Variants in ME1 observed in about 807,000 individuals in gnomAD.
ME1 encodes malic enzyme 1, also known as NADP-dependent malic enzyme.
In ME1, 74 loss-of-function variants were observed where a neutral mutation model predicts 66.4. The observed-to-expected ratio is 1.11, with a 90% CI of 0.92 to 1.35. ME1 has a LOEUF of 1.35. Ranked by LOEUF, ME1 falls within the 40% of genes most tolerant of loss-of-function variation. The probability of loss-of-function intolerance (pLI) is 0.00; values close to 1 mark genes in which losing one functional copy is unlikely to be tolerated. For synonymous variants in ME1, 251 were observed against 235.6 expected, an observed-to-expected ratio of 1.07 and a Z score of -0.60; for missense variants, 750 against 694.1, an observed-to-expected ratio of 1.08 and a Z score of -0.90.
intron 3 of ME1, among the ~76,000 whole-genome samples, chr6:83,385,156 T>C (rs1469672430): frequency 6.6e-6 from 1 of 151,916 alleles, no homozygotes; most frequent in Non-Finnish European, 1.5e-5. Flanking sequence ...TGGATATCAA[T>C]GACACTTCAA....
At chr6:83,300,003 C>A (rs1767683874) in intron 6 of ME1, among the ~76,000 whole-genome samples, 1 of 151,892 alleles carries the variant, frequency 6.6e-6, no homozygotes, top group African/African-American at 2.4e-5. Context: ...TTCGGTTTGC[C>A]AATATTTTAT....
chr6:83,324,261 C>A (rs1427274969), intron 5 of ME1, among the ~76,000 whole-genome samples: 1 of 151,572 alleles, frequency 6.6e-6, no homozygotes, highest in Non-Finnish European at 1.5e-5. Context: ...GACACCCTAA[C>A]ATCACAATTA....
At position 83,212,059 on chromosome 6, in the gene ME1, T is replaced by A. The variant is rs139619703; in HGVS notation, c.1584A>T (p.Thr528=). ...CTTTGTTTTGCGGTTCAGGATAAAC[T>A]GTGGCTGTCTTTTCTTGGTATGCAT... The part of the protein sequence containing the change: ...VKDAYQEKTA[T]VYPEPQNKEA... The change falls in exon 14 of 14, where the codon ACA becomes ACT. Residue 528 remains threonine (T), a synonymous_variant. Transcript: ENST00000369705. 1.6e-4 allele frequency: 254 copies of A among 1,609,644 alleles called. 1 individual carries two copies. In the Middle Eastern group the frequency reaches 2.3e-3, roughly 15 times the overall value.
At chr6:83,412,762 T>C (rs1221080709) in intron 1 of ME1, among the ~76,000 whole-genome samples, 1 of 152,188 alleles carries the variant, frequency 6.6e-6, no homozygotes, top group Admixed American at 6.5e-5. Context: ...TCCATTTATA[T>C]GACATTCTGA....
chr6:83,216,449 G>T, intron 13 of ME1, 49 bp downstream of exon 13: 1 of 1,257,400 alleles, frequency 8.0e-7, no homozygotes. Context: ...TGCATATTTA[G>T]CAAGAAAAGG....
intron 5 of ME1, among the ~76,000 whole-genome samples, chr6:83,331,626 T>C (rs184303585): frequency 6.8e-6 from 1 of 148,124 alleles, no homozygotes; most frequent in East Asian, 2.0e-4. Context: ...GATACAGACA[T>C]ACACAGAAGA....
intron 7 of ME1, among the ~76,000 whole-genome samples, chr6:83,249,200 T>G (rs919815379): frequency 2.6e-5 from 4 of 152,028 alleles, no homozygotes; most frequent in Non-Finnish European, 5.9e-5. Context: ...ACTAAATACT[T>G]AAGCATGGTG....
At chr6:83,215,065 A>G (rs1290727636) in intron 13 of ME1, among the ~76,000 whole-genome samples, 1 of 152,226 alleles carries the variant, frequency 6.6e-6, no homozygotes, top group Non-Finnish European at 1.5e-5. Context: ...TAGCAGATAC[A>G]TATTAGTAGA....
chr6:83,401,306 G>T (rs1164524171), intron 2 of ME1, among the ~76,000 whole-genome samples: 2 of 152,134 alleles, frequency 1.3e-5, no homozygotes, highest in African/African-American at 2.4e-5. Flanking sequence ...GTGCACTGCA[G>T]CCTGGGCAAT....
At chr6:83,213,582 G>T (rs1332980663) in intron 13 of ME1, among the ~76,000 whole-genome samples, 2 of 152,070 alleles carry the variant, frequency 1.3e-5, no homozygotes, top group Non-Finnish European at 2.9e-5. Flanking sequence ...GGCCAGTCTG[G>T]TCTCAAACTC....
chr6:83,333,231 A>C (rs571991315), intron 5 of ME1, among the ~76,000 whole-genome samples: 1 of 152,212 alleles, frequency 6.6e-6, no homozygotes, highest in Non-Finnish European at 1.5e-5. Flanking sequence ...AGCAGTTTCT[A>C]TATTTTTATT....
chr6:83,323,251 G>C (rs536343083), intron 5 of ME1, among the ~76,000 whole-genome samples: 1 of 152,048 alleles, frequency 6.6e-6, no homozygotes, highest in Non-Finnish European at 1.5e-5. Flanking sequence ...ATCAACTAAT[G>C]GGCAAAATAA....
At chr6:83,281,366 A>C (rs1254443590) in intron 6 of ME1, among the ~76,000 whole-genome samples, 1 of 152,226 alleles carries the variant, frequency 6.6e-6, no homozygotes. Context: ...GTTCTATAAA[A>C]GCCAGAAGAG....
chr6:83,420,437 C>T (rs1770242640), intron 1 of ME1, among the ~76,000 whole-genome samples: 1 of 152,196 alleles, frequency 6.6e-6, no homozygotes, highest in African/African-American at 2.4e-5. Context: ...GACAGAGCAG[C>T]AAAAGAGAAG....
chr6:83,239,588 G>A lies in ME1; in HGVS notation c.863C>T (p.Thr288Ile), dbSNP rs777100717. The change falls in exon 8 of 14, where the codon ACC becomes ATC. Residue 288 changes from threonine (T) to isoleucine (I), a missense_variant. Coordinates refer to ENST00000369705, the MANE Select transcript of ME1 (RefSeq NM_002395.6). The stretch of plus-strand genomic sequence containing the variant: ...TGTTTGATCAGACAGTTTGTTCTTG[G>A]TTATTCGAAGAGCTGCAAGGAGACC... ...VAGLLAALRI[T>I]KNKLSDQTIL... The A allele has an allele frequency of 3.7e-6, 6 of 1,613,412 alleles. No homozygotes were observed. In the South Asian group the frequency reaches 6.6e-5, roughly 18 times the overall value.
intron 3 of ME1, among the ~76,000 whole-genome samples, chr6:83,356,594 C>G (rs1357398153): frequency 6.6e-6 from 1 of 152,016 alleles, no homozygotes; most frequent in Non-Finnish European, 1.5e-5. Flanking sequence ...TAAGAATGGC[C>G]TTTGAGAAGA....
At chr6:83,323,767 A>T (rs563596486) in intron 5 of ME1, among the ~76,000 whole-genome samples, 10 of 152,290 alleles carry the variant, frequency 6.6e-5, no homozygotes, top group African/African-American at 2.2e-4. Flanking sequence ...TGGCAATATT[A>T]GGCAGATCAA....
chr6:83,279,329 C>A (rs1311632371), intron 6 of ME1, among the ~76,000 whole-genome samples: 1 of 152,062 alleles, frequency 6.6e-6, no homozygotes, highest in Non-Finnish European at 1.5e-5. Context: ...AGTCGGAAAA[C>A]ACAAAGCAAG....
At chr6:83,241,120 T>C (rs1461942814) in intron 7 of ME1, among the ~76,000 whole-genome samples, 1 of 152,114 alleles carries the variant, frequency 6.6e-6, no homozygotes, top group Non-Finnish European at 1.5e-5. Flanking sequence ...GCAAGATATA[T>C]TCACTAGAGT....
Sources: allele counts gnomAD v4.1 joint callset (sites outside exome capture counted in the v4.1 genomes callset), GRCh38; gene constraint gnomAD v4.1.1; transcripts MANE v1.5; gene names NCBI Gene and HGNC (gene_info 2026-07-23, HGNC 2026-07-21).